Variants in CLCNKB observed in about 807,000 individuals in gnomAD.
CLCNKB encodes the protein chloride voltage-gated channel Kb.
A neutral mutation model predicts 83.8 loss-of-function variants in CLCNKB; 74 were observed. That is an observed-to-expected ratio of 0.88 (90% confidence interval 0.73 to 1.07). The LOEUF is 1.07. CLCNKB is among the 50% of genes least tolerant of loss of function. The pLI, the probability that CLCNKB is intolerant of heterozygous loss-of-function variation, is 0.00. For synonymous variants in CLCNKB, 358 were observed against 356.6 expected (o/e 1.00, Z -0.04); for missense variants, 798 against 893.6 (o/e 0.89, Z 1.36).
At chr1:16,046,352 T>C (rs2124085597) in intron 3 of CLCNKB, among the ~76,000 whole-genome samples, 183 bp from the exon 4 acceptor site, 1 of 152,176 alleles carries the variant, frequency 6.6e-6, no homozygotes, top group Admixed American at 6.5e-5. Flanking sequence ...TAGGCAGTGG[T>C]AAACCTGGGA....
intron 16 of CLCNKB, among the ~76,000 whole-genome samples, chr1:16,054,403 G>A (rs2023383206): frequency 6.6e-6 from 1 of 152,178 alleles, no homozygotes. Context: ...CTTTGGGCAG[G>A]CACCTTGTGC....
chr1:16,051,637 G>T, intron 13 of CLCNKB, 73 bp from the exon 14 acceptor site: 1 of 1,605,482 alleles, frequency 6.2e-7, no homozygotes, highest in Non-Finnish European at 8.5e-7. Flanking sequence ...TTGTACTGAG[G>T]ACGGTCCTCA....
At position 16,048,521 on chromosome 1, in the gene CLCNKB, C is replaced by T; in HGVS notation, c.594C>T (p.Asn198=). The stretch of plus-strand genomic sequence containing the variant: ...TCCCCCAGAACAAGAGCAAGCAAAA[C>T]GAAATGCTGGTGGCAGCGGCGGCAG... The part of the protein sequence containing the change: ...IGEPENKSKQ[N]EMLVAAAAVG... Residue 198 remains asparagine, a synonymous_variant, in exon 7 of 20, where the codon AAC becomes AAT. Transcript: ENST00000375679. 6.2e-7 allele frequency: 1 copy of T among 1,613,384 alleles called. No individual in the cohort carries two copies. Among genetic ancestry groups the T allele is most frequent in the African/African-American group, 1.3e-5 (1 of 74,992 alleles).
At chr1:16,055,648 G>A (rs1259406339) in intron 17 of CLCNKB, 27 bp from the exon 18 acceptor site, 2 of 1,612,458 alleles carry the variant, frequency 1.2e-6, no homozygotes, top group African/African-American at 2.7e-5. Context: ...GGCCAGCCCT[G>A]CACCTGTAAC....
intron 17 of CLCNKB, 33 bp downstream of exon 17, chr1:16,055,556 G>A (rs764457470): frequency 2.7e-5 from 40 of 1,485,194 alleles, no homozygotes; most frequent in African/African-American, 5.5e-5. Flanking sequence ...GGGATGGGGC[G>A]GGGGTGGGTC....
chr1:16,044,672 T>C (rs1419490793), intron 2 of CLCNKB, 80 bp downstream of exon 2: 8 of 1,227,408 alleles, frequency 6.5e-6, no homozygotes, highest in Non-Finnish European at 8.2e-6. Context: ...CCCACCTCCC[T>C]GCCCAGGAAC....
rs1284974608 is a variant in CLCNKB, at chr1:16,047,978, T to G, written c.432T>G (p.Phe144Leu). 2 of 1,614,096 alleles carry G rather than the reference T, an allele frequency of 1.2e-6. No homozygotes were observed. Among genetic ancestry groups the G allele is most frequent in the Non-Finnish European group, 1.7e-6 (2 of 1,180,014 alleles). The change falls in exon 5 of 20, where the codon TTT becomes TTG. Residue 144 changes from phenylalanine (F) to leucine (L), a missense_variant. By Grantham distance (22) the Phe-to-Leu change is conservative (BLOSUM62 0). Transcript: ENST00000375679. Reference sequence around the variant, plus strand: ...AGGACTACCTGGATATCAAGAACTTTGGGGCCAAAGTGGTGGGCCTCTCCT... The same window carrying G: ...AGGACTACCTGGATATCAAGAACTTGGGGGCCAAAGTGGTGGGCCTCTCCT... ...VLEDYLDIKN[F>L]GAKVVGLSCT...
intron 2 of CLCNKB, among the ~76,000 whole-genome samples, chr1:16,044,833 C>A (rs1396017286): frequency 6.6e-6 from 1 of 152,224 alleles, no homozygotes; most frequent in Non-Finnish European, 1.5e-5. Context: ...AAGGCCTGGT[C>A]ACTGTGCCCA....
At chr1:16,044,109 C>T (rs2023013276) in intron 1 of CLCNKB, among the ~76,000 whole-genome samples, 1 of 152,116 alleles carries the variant, frequency 6.6e-6, no homozygotes, top group Non-Finnish European at 1.5e-5. Flanking sequence ...TGTCACAGCC[C>T]TGGGCAGAGA....
chr1:16,044,448 C>A, intron 1 of CLCNKB, 38 bp from the exon 2 acceptor site: 2 of 1,531,248 alleles, frequency 1.3e-6, no homozygotes, highest in Non-Finnish European at 1.8e-6. Context: ...GGACGTGCAG[C>A]AGCTCACCGC....
At position 16,050,579 on chromosome 1, in the gene CLCNKB, C is replaced by G; in HGVS notation, c.1032C>G (p.Ala344=). The part of the protein sequence containing the change: ...VLASITYPPS[A]GRFLASRLSM... ...CCTCCATCACCTACCCACCCAGCGC[C>G]GGCCGCTTCCTAGCTTCTCGGGTAA... is the stretch of plus-strand genomic sequence containing the variant. Residue 344 remains alanine, a synonymous_variant, in exon 11 of 20, where the codon GCC becomes GCG. Transcript: ENST00000375679. The G allele has an allele frequency of 6.2e-7, 1 of 1,614,090 alleles. No individual in the cohort carries two copies. Among genetic ancestry groups the G allele is most frequent in the Non-Finnish European group, 8.5e-7 (1 of 1,180,010 alleles).
chr1:16,053,958 C>T (rs2023370436), intron 16 of CLCNKB, among the ~76,000 whole-genome samples, 186 bp downstream of exon 16: 2 of 152,140 alleles, frequency 1.3e-5, no homozygotes, highest in Admixed American at 1.3e-4. Context: ...CATGGCCACC[C>T]TCCCTTGGGG....
Position 16,050,858 on chromosome 1 carries a change from C to A in CLCNKB, c.1054-17C>A. ...CTGGGGGCCCCTCATGTCCAGTTCCCACCTGCCCCGCCACAGCTGTCCATG... is the reference window on the plus strand; with the variant it reads ...CTGGGGGCCCCTCATGTCCAGTTCCAACCTGCCCCGCCACAGCTGTCCATG... On this transcript the variant is annotated splice_polypyrimidine_tract_variant and intron_variant, in intron 11 of 19. Coordinates refer to ENST00000375679, the MANE Select transcript of CLCNKB (RefSeq NM_000085.5). 1.2e-6 allele frequency: 2 copies of A among 1,611,242 alleles called. No individual in the cohort carries two copies. Among genetic ancestry groups the A allele is most frequent in the Non-Finnish European group, 1.7e-6 (2 of 1,179,832 alleles).
chr1:16,046,175 G>A (rs1487211552), intron 3 of CLCNKB, among the ~76,000 whole-genome samples: 2 of 152,208 alleles, frequency 1.3e-5, no homozygotes, highest in Non-Finnish European at 2.9e-5. Flanking sequence ...ATGGTGTTAC[G>A]GTGTTTGGTG....
intron 5 of CLCNKB, 99 bp from the exon 6 acceptor site, chr1:16,048,244 A>C: frequency 1.3e-6 from 2 of 1,512,012 alleles, no homozygotes; most frequent in South Asian, 2.3e-5. Flanking sequence ...GGGGCTTGGG[A>C]GATGGAGGAG....
At position 16,048,522 on chromosome 1, in the gene CLCNKB, G is replaced by A. The variant is rs751375763; in HGVS notation, c.595G>A (p.Glu199Lys). 2.5e-6 allele frequency: 4 copies of A among 1,613,398 alleles called. No homozygotes were observed. The highest frequency in any genetic ancestry group is 3.4e-6 in the Non-Finnish European group (4 of 1,179,670). ...GEPENKSKQN[E>K]MLVAAAAVGV... ...CCCCCAGAACAAGAGCAAGCAAAAC[G>A]AAATGCTGGTGGCAGCGGCGGCAGT... Residue 199 changes from glutamate to lysine, a missense_variant, in exon 7 of 20, where the codon GAA (glutamate) becomes AAA (lysine). Coordinates refer to ENST00000375679, the MANE Select transcript of CLCNKB (RefSeq NM_000085.5).
chr1:16,050,944 A>G lies in CLCNKB; in HGVS notation c.1123A>G (p.Ser375Gly), dbSNP rs2023269904. Residue 375 changes from serine to glycine, a missense_variant, in exon 12 of 20, where the codon AGC becomes GGC. Physicochemically the swap from Ser to Gly is moderately conservative, Grantham distance 56 (BLOSUM62 0). Coordinates refer to ENST00000375679, the MANE Select transcript of CLCNKB (RefSeq NM_000085.5). ...HSWALMTQNS[S>G]PPWPEELDPQ... ...CTGGGCGCTGATGACCCAGAACTCC[A>G]GCCCACCCTGGCCCGAGGAGCTCGA... The G allele has an allele frequency of 6.2e-7, 1 of 1,613,552 alleles. No homozygotes were observed. The highest frequency in any genetic ancestry group is 1.7e-5 in the Admixed American group (1 of 60,022).
intron 15 of CLCNKB, among the ~76,000 whole-genome samples, chr1:16,053,036 C>CT (rs60518578): frequency 0.32 from 47,469 of 147,898 alleles, 7,987 homozygotes; most frequent in Admixed American, 0.38. Context: ...GAGGCATATA[C>CT]TTTTTTTTTT....
At chr1:16,046,481 G>T in intron 3 of CLCNKB, 54 bp from the exon 4 acceptor site, 1 of 1,610,020 alleles carries the variant, frequency 6.2e-7, no homozygotes, top group Non-Finnish European at 8.5e-7. Flanking sequence ...ACAGCGTCTG[G>T]CCCCGAGGGC....
Sources: allele counts gnomAD v4.1 joint callset (sites outside exome capture counted in the v4.1 genomes callset), GRCh38; gene constraint gnomAD v4.1.1; transcripts MANE v1.5; gene names NCBI Gene and HGNC (gene_info 2026-07-23, HGNC 2026-07-21).